The following CELSR1 variants were observed in gnomAD, a reference collection of about 807,000 sequenced individuals.
The protein encoded by CELSR1 is cadherin EGF LAG seven-pass G-type receptor 1.
A neutral mutation model predicts 249.1 loss-of-function variants in CELSR1; 110 were observed. That is an observed-to-expected ratio of 0.44 (90% CI 0.38 to 0.52). The LOEUF (loss-of-function observed/expected upper bound fraction) is 0.52. Among genes scored for constraint, CELSR1 ranks in the 20% least tolerant of loss-of-function variants. The pLI, the probability that CELSR1 is intolerant of heterozygous loss-of-function variation, is 0.00. For missense variants in CELSR1, 4,109 were observed against 4,296.4 expected, an observed-to-expected ratio of 0.96 and a Z score of 1.22; for synonymous variants, 2,113 against 1,900.0, an observed-to-expected ratio of 1.11 and a Z score of -2.92.
At chr22:46,404,319 G>C (rs1305145913) in intron 9 of CELSR1, among the ~76,000 whole-genome samples, 1 of 151,746 alleles carries the variant, frequency 6.6e-6, no homozygotes, top group African/African-American at 2.4e-5. Flanking sequence ...GGCTGAGGTA[G>C]GAGAATCCCT....
Position 46,390,275 on chromosome 22 carries a change from C to T in CELSR1, c.6345+117G>A. The T allele has an allele frequency of 1.2e-6, 1 of 834,764 alleles. No individual in the cohort carries two copies. Among genetic ancestry groups the T allele is most frequent in the East Asian group, 2.8e-5 (1 of 36,264 alleles). The allele number at this position is 834,764 out of a possible 1,614,324, so 51.7% of individuals were successfully genotyped here. On this transcript the variant is annotated intron_variant, in intron 17 of 34. Transcript: ENST00000674500. The surrounding 1 kb of genome is among the most constrained non-coding windows in gnomAD (Gnocchi z 6.3). ...GCGGGCCCGTGGGGCTGTCCCTGCGCCATCCCAGCCGCCCCAACACTCCCC... is the reference window on the plus strand; with the variant it reads ...GCGGGCCCGTGGGGCTGTCCCTGCGTCATCCCAGCCGCCCCAACACTCCCC...
intron 5 of CELSR1, among the ~76,000 whole-genome samples, chr22:46,422,570 T>TA (rs1400664284): frequency 1.7e-3 from 252 of 147,986 alleles, no homozygotes; most frequent in African/African-American, 5.2e-3. Flanking sequence ...CCGTCTCTAC[T>TA]AAAAAAAAAT....
chr22:46,531,112 C>T (rs1342661334), intron 1 of CELSR1, among the ~76,000 whole-genome samples: 1 of 152,174 alleles, frequency 6.6e-6, no homozygotes, highest in Non-Finnish European at 1.5e-5. Context: ...AACCATAGAT[C>T]TTATAGTCAA....
At position 46,380,731 on chromosome 22, in the gene CELSR1, G is replaced by A; in HGVS notation, c.7256+57C>T. ...GCTCTGCCACTGAGCCCCCGACCCTGCGGGGGCACTCTGCCTTGGCAAAGC... is the reference window on the plus strand; with the variant it reads ...GCTCTGCCACTGAGCCCCCGACCCTACGGGGGCACTCTGCCTTGGCAAAGC... On this transcript the variant is annotated intron_variant, in intron 22 of 34. Coordinates refer to ENST00000674500, the MANE Select transcript of CELSR1 (RefSeq NM_001378328.1). The surrounding 1 kb of genome is among the most constrained non-coding windows in gnomAD (Gnocchi z 5.1). 1 of 1,584,296 alleles carries A rather than the reference G, an allele frequency of 6.3e-7. No individual in the cohort carries two copies. The highest frequency in any genetic ancestry group is 1.7e-4 in the Middle Eastern group (1 of 5,944).
rs1411267403 is a variant in CELSR1, at chr22:46,434,670, G to A, written c.4523-1189C>T. ...GAGCCATCTTGGTGAACTTCCAGGT[G>A]AAGGAGGAGATGGCAGAATTCACTC... On this transcript the variant is annotated intron_variant, in intron 4 of 34. Coordinates refer to ENST00000674500, the MANE Select transcript of CELSR1 (RefSeq NM_001378328.1). This position sits in a 1 kb window ranked among gnomAD's most constrained non-coding sequence, Gnocchi z 4.9. Among the ~76,000 whole-genome samples the A allele has an allele frequency of 1.3e-5, 2 of 152,208 alleles. No individual in the cohort carries two copies. Among genetic ancestry groups the A allele is most frequent in the Non-Finnish European group, 2.9e-5 (2 of 68,042 alleles).
chr22:46,425,308 T>C (rs1310855653), intron 5 of CELSR1, among the ~76,000 whole-genome samples: 1 of 152,254 alleles, frequency 6.6e-6, no homozygotes. Flanking sequence ...TAATGCTTCA[T>C]GAACTGAACT....
intron 12 of CELSR1, 61 bp downstream of exon 12, chr22:46,397,613 C>T (rs954326892): frequency 2.1e-5 from 29 of 1,358,876 alleles, no homozygotes; most frequent in Non-Finnish European, 2.6e-5. Flanking sequence ...GAGCCCCCCT[C>T]CTGTGTTTCA....
chr22:46,526,830 T>C lies in CELSR1; in HGVS notation c.3544+6797A>G, dbSNP rs1247994522. On this transcript the variant is annotated intron_variant, in intron 1 of 34. Transcript: ENST00000674500. This position sits in a 1 kb window ranked among gnomAD's most constrained non-coding sequence, Gnocchi z 4.7. Reference sequence around the variant, plus strand: ...ATAACCTGAGCTGGTCTCCCCAGTCTGGACCTGCACACACAATCAACTTCA... The same window carrying C: ...ATAACCTGAGCTGGTCTCCCCAGTCCGGACCTGCACACACAATCAACTTCA... 6.6e-5 allele frequency among the ~76,000 whole-genome samples: 10 copies of C among 152,228 alleles called. No homozygotes were observed.
intron 18 of CELSR1, among the ~76,000 whole-genome samples, chr22:46,388,780 A>G (rs538303904): frequency 5.9e-5 from 9 of 152,190 alleles, no homozygotes; most frequent in South Asian, 4.1e-4. Context: ...ACTTCCACAC[A>G]CACAGCCAGA....
At chr22:46,397,605 G>GCC in intron 12 of CELSR1, 69 bp downstream of exon 12, 4 of 1,335,024 alleles carry the variant, frequency 3.0e-6, no homozygotes, top group Non-Finnish European at 3.9e-6. Context: ...TCTAAACTGA[G>GCC]CCCCCCTCCT....
chr22:46,366,411 T>A lies in CELSR1; in HGVS notation c.8275A>T (p.Thr2759Ser). The A allele has an allele frequency of 2.6e-6, 4 of 1,549,466 alleles. No homozygotes were observed. In the South Asian group the frequency reaches 3.6e-5, roughly 14 times the overall value. Reference sequence around the variant, plus strand: ...CTGACGATGCTGTCCAGCGAGGCGGTGGACTCGCCCAAGTCTGTGCGCAGC... The same window carrying A: ...CTGACGATGCTGTCCAGCGAGGCGGAGGACTCGCCCAAGTCTGTGCGCAGC... ...DMLRTDLGES[T>S]ASLDSIVRDE... is the part of the protein sequence containing the mutation. Residue 2759 changes from threonine (T) to serine (S), a missense_variant, in exon 30 of 35, where the codon ACC becomes TCC. Around this residue, in one of 7 missense-constraint regions of CELSR1, gnomAD observed 1,805 missense variants for 1,831.6 expected, o/e 0.99. Transcript: ENST00000674500.
In CELSR1 at chr22:46,367,053, C is replaced by T. The variant is rs2078792659; in HGVS notation, c.8145G>A (p.Val2715=). 1 of 1,611,244 alleles carries T rather than the reference C, an allele frequency of 6.2e-7. No homozygotes were observed. The highest frequency in any genetic ancestry group is 8.5e-7 in the Non-Finnish European group (1 of 1,179,666). The change falls in exon 29 of 35, where the codon GTG becomes GTA. Residue 2715 remains valine (V), a synonymous_variant. Coordinates refer to ENST00000674500, the MANE Select transcript of CELSR1 (RefSeq NM_001378328.1). ...CCAGGTGCAGCTTCCTCCCGCCGAG[C>T]ACGCCCTTCAGGTGCTTCCGGACCT... is the stretch of plus-strand genomic sequence containing the variant. The part of the protein sequence containing the change: ...NQEVRKHLKG[V]LGGRKLHLED...
rs1435951351 is a variant in CELSR1, at chr22:46,518,960, G to T, written c.3544+14667C>A. ...AGGCAGGAGAATCGCTTAAACCCAG[G>T]AGGCAAAGGTTGCAATGAGCCAAGA... On this transcript the variant is annotated intron_variant, in intron 1 of 34. Transcript: ENST00000674500. The surrounding 1 kb of genome is among the most constrained non-coding windows in gnomAD (Gnocchi z 5.2). Among the ~76,000 whole-genome samples, 1 of 152,024 alleles carries T rather than the reference G, an allele frequency of 6.6e-6. No homozygotes were observed. The highest frequency in any genetic ancestry group is 1.5e-5 in the Non-Finnish European group (1 of 67,996).
At chr22:46,365,183 G>A (rs1219820186) in intron 32 of CELSR1, 48 bp downstream of exon 32, 9 of 1,581,702 alleles carry the variant, frequency 5.7e-6, no homozygotes, top group South Asian at 2.3e-5. Context: ...CCTGCCCCGA[G>A]CCCGCTGTCC....
intron 22 of CELSR1, among the ~76,000 whole-genome samples, chr22:46,379,536 GT>G (rs1287215268): frequency 6.6e-6 from 1 of 152,228 alleles, no homozygotes; most frequent in Non-Finnish European, 1.5e-5. Context: ...CGGGCCTGAC[GT>G]CCGTCGTGGT....
At chr22:46,422,377 G>C (rs1210908332) in intron 5 of CELSR1, among the ~76,000 whole-genome samples, 1 of 151,844 alleles carries the variant, frequency 6.6e-6, no homozygotes, top group Admixed American at 6.6e-5. Context: ...CAAAGTGCTA[G>C]GATTACAGGC....
rs1319353404 is a variant in CELSR1 at position 46,506,151 on chromosome 22, C to G, written c.3544+27476G>C. Among the ~76,000 whole-genome samples the G allele has an allele frequency of 6.7e-6, 1 of 148,388 alleles. No individual in the cohort carries two copies. The highest frequency in any genetic ancestry group is 1.5e-5 in the Non-Finnish European group (1 of 67,638). On this transcript the variant is annotated intron_variant, in intron 1 of 34. Coordinates refer to ENST00000674500, the MANE Select transcript of CELSR1 (RefSeq NM_001378328.1). This position sits in a 1 kb window ranked among gnomAD's most constrained non-coding sequence, Gnocchi z 4.1. ...CTGAGATCACACCATTGCAGTCCAG[C>G]CTGGGCGACAGAGACTGTCTCCAAA...
chr22:46,519,142 C>T (rs779803252), intron 1 of CELSR1, among the ~76,000 whole-genome samples: 32 of 152,100 alleles, frequency 2.1e-4, no homozygotes, highest in Middle Eastern at 3.4e-3. Flanking sequence ...CAAAAGCCCA[C>T]GGGTTGGGGC....
In CELSR1 at chr22:46,369,249, C is replaced by T; in HGVS notation, c.7882G>A (p.Val2628Ile). 6.2e-7 allele frequency: 1 copy of T among 1,613,630 alleles called. No individual in the cohort carries two copies. Among genetic ancestry groups the T allele is most frequent in the Non-Finnish European group, 8.5e-7 (1 of 1,179,856 alleles). The stretch of plus-strand genomic sequence containing the variant: ...ACCTTTGCAGATAGGACAGAAGTGA[C>T]TGTGTTGATCTGAAAACAAAACAAG... ...PIGAVIIINT[V>I]TSVLSAKVSC... Residue 2628 changes from valine (V) to isoleucine (I), a missense_variant, in exon 27 of 35, where the codon GTC (valine) becomes ATC (isoleucine). Val to Ile is a conservative substitution (Grantham distance 29). Transcript: ENST00000674500.
Sources: gnomAD v4.1 joint callset for allele counts (sites outside exome capture counted in the v4.1 genomes callset) on GRCh38, gnomAD v4.1.1 for gene constraint, gnomAD v4.1.1 regional missense constraint, Gnocchi (gnomAD v3.1) non-coding constraint, MANE v1.5 for transcripts, NCBI Gene and HGNC (gene_info 2026-07-23, HGNC 2026-07-21) for gene names.